KCTD5: variants seen among roughly 807,000 people sequenced by gnomAD.
KCTD5 encodes potassium channel tetramerization domain containing 5, also known as BTB/POZ domain-containing protein KCTD5.
A neutral mutation model predicts 27.9 loss-of-function variants in KCTD5; 12 were observed. The ratio of observed to expected loss-of-function variants is 0.43; its 90% CI spans 0.28 to 0.70. The LOEUF is 0.70. Among genes scored for constraint, KCTD5 ranks in the 30% least tolerant of loss-of-function variants. KCTD5 has a pLI of 0.19. For synonymous variants in KCTD5, 147 were observed against 121.4 expected, an observed-to-expected ratio of 1.21 and a Z score of -1.39; for missense variants, 226 against 274.8, an observed-to-expected ratio of 0.82 and a Z score of 1.26.
intron 5 of KCTD5, 125 bp downstream of exon 5, chr16:2,702,603 G>A: frequency 7.9e-7 from 1 of 1,272,888 alleles, no homozygotes; most frequent in South Asian, 1.5e-5. Context: ...TGGCCTTGCT[G>A]ACTTCTTGGA....
Position 2,707,466 on chromosome 16 carries a change from G to A in KCTD5, c.*139G>A. On this transcript the variant is annotated 3_prime_UTR_variant, in exon 6 of 6. Coordinates refer to ENST00000301738, the MANE Select transcript of KCTD5 (RefSeq NM_018992.4). ...GAGATCTGGGTGTGAATCCTTTTTT[G>A]CCTCTGAGGTGGGTGGTGAGAGACG... 1 of 923,204 alleles carries A rather than the reference G, an allele frequency of 1.1e-6. No homozygotes were observed. Among genetic ancestry groups the A allele is most frequent in the Non-Finnish European group, 1.8e-6 (1 of 568,006 alleles). 57.2% of individuals were successfully genotyped at this position (923,204 alleles called of 1,614,324 possible). A position where few individuals can be genotyped will look rare whatever the true frequency, so the allele number is the denominator to read the frequency against.
In KCTD5 at chr16:2,707,315, C is replaced by A; in HGVS notation, c.693C>A (p.Gly231=). 3.1e-6 allele frequency: 5 copies of A among 1,613,992 alleles called. No individual in the cohort carries two copies. Among genetic ancestry groups the A allele is most frequent in the Non-Finnish European group, 4.2e-6 (5 of 1,179,866 alleles). The change falls in exon 6 of 6, where the codon GGC becomes GGA. Residue 231 remains glycine, a synonymous_variant. Transcript: ENST00000301738. ...SEKAKILQER[G]SRM ...TTTTTCAGATTTTGCAAGAACGAGG[C>A]TCAAGGATGTGAGGGACACAGTATT... is the stretch of plus-strand genomic sequence containing the variant.
intron 1 of KCTD5, among the ~76,000 whole-genome samples, chr16:2,693,260 G>C (rs916195275): frequency 6.6e-6 from 1 of 152,184 alleles, no homozygotes; most frequent in Non-Finnish European, 1.5e-5. Context: ...GGGTCTGTTC[G>C]CCTCCTCCCT....
At chr16:2,703,203 G>A (rs555269238) in intron 5 of KCTD5, among the ~76,000 whole-genome samples, 1 of 152,292 alleles carries the variant, frequency 6.6e-6, no homozygotes, top group South Asian at 2.1e-4. Context: ...CTCTAAGCAC[G>A]TTCTTAAGGT....
chr16:2,687,662 G>T (rs13331679), intron 1 of KCTD5, among the ~76,000 whole-genome samples: 8,002 of 152,244 alleles, frequency 0.053, 661 homozygotes, highest in African/African-American at 0.18. Context: ...GCCTGGTCTC[G>T]CCCCGGCCCT....
chr16:2,703,823 G>A (rs1319829616), intron 5 of KCTD5, among the ~76,000 whole-genome samples: 3 of 152,122 alleles, frequency 2.0e-5, no homozygotes, highest in East Asian at 1.9e-4. Context: ...TGGAAGCTGG[G>A]GTTCCACCGC....
chr16:2,682,984 A>ATC, intron 1 of KCTD5, 184 bp downstream of exon 1: 5 of 657,400 alleles, frequency 7.6e-6, no homozygotes, highest in Non-Finnish European at 9.4e-6. Flanking sequence ...CTGGGAGGGG[A>ATC]GGGTGAGGAT....
chr16:2,687,898 C>T (rs1190075499), intron 1 of KCTD5, among the ~76,000 whole-genome samples: 2 of 152,102 alleles, frequency 1.3e-5, no homozygotes, highest in Admixed American at 6.5e-5. Context: ...GGCGTCAACT[C>T]GGCAGTTCTC....
chr16:2,705,137 TGAC>T (rs1454652633), intron 5 of KCTD5, among the ~76,000 whole-genome samples: 1 of 152,072 alleles, frequency 6.6e-6, no homozygotes, highest in Non-Finnish European at 1.5e-5. Flanking sequence ...GCCGCCAGAG[TGAC>T]GACGAGGACC....
chr16:2,696,896 G>A (rs1186107841), intron 2 of KCTD5, among the ~76,000 whole-genome samples: 4 of 152,256 alleles, frequency 2.6e-5, no homozygotes, highest in Non-Finnish European at 4.4e-5. Context: ...CTCTCTGGTC[G>A]CTTGGGCAGC....
intron 1 of KCTD5, chr16:2,684,657 A>G (rs1247673230): frequency 6.6e-6 from 1 of 151,978 alleles, no homozygotes; most frequent in African/African-American, 2.4e-5. Context: ...CCCAGCTACT[A>G]GGCAGTCTGA....
intron 1 of KCTD5, among the ~76,000 whole-genome samples, chr16:2,688,209 T>TTAAATAAA: frequency 7.1e-6 from 1 of 141,490 alleles, no homozygotes; most frequent in South Asian, 2.2e-4. Context: ...GTTTTTATTA[T>TTAAATAAA]TAAATAAATA....
intron 1 of KCTD5, among the ~76,000 whole-genome samples, chr16:2,688,228 A>ATATATATATATATAT (rs2067549785): frequency 2.4e-5 from 2 of 84,626 alleles, no homozygotes; most frequent in African/African-American, 8.3e-5. Flanking sequence ...TAAATAAATA[A>ATATATATATATATAT]ATATATATAT....
chr16:2,698,081 C>T, intron 3 of KCTD5, 84 bp downstream of exon 3: 1 of 963,842 alleles, frequency 1.0e-6, no homozygotes, highest in Non-Finnish European at 1.6e-6. Context: ...GGCTGCCTCC[C>T]AAATAAGTCC....
At chr16:2,702,235 G>A (rs1376333372) in intron 4 of KCTD5, 118 bp from the exon 5 acceptor site, 19 of 1,289,476 alleles carry the variant, frequency 1.5e-5, no homozygotes, top group South Asian at 8.0e-5. Context: ...TTCCTGAAGC[G>A]TCGGCAGTCT....
intron 2 of KCTD5, chr16:2,697,369 C>A (rs529512863): frequency 6.5e-6 from 1 of 154,174 alleles, no homozygotes; most frequent in Non-Finnish European, 1.4e-5. Context: ...CTGGAAGTGA[C>A]CCTCTCAGCC....
chr16:2,699,396 A>G (rs539775370), intron 3 of KCTD5: 23 of 359,420 alleles, frequency 6.4e-5, no homozygotes, highest in African/African-American at 4.5e-4. Context: ...CGCAAGTTCA[A>G]GAGCCTTTTT....
intron 3 of KCTD5, among the ~76,000 whole-genome samples, 195 bp downstream of exon 3, chr16:2,698,192 A>G (rs1312546930): frequency 6.6e-6 from 1 of 152,172 alleles, no homozygotes; most frequent in South Asian, 2.1e-4. Flanking sequence ...CCCTTGAAGG[A>G]TCCATTCATC....
intron 1 of KCTD5, among the ~76,000 whole-genome samples, chr16:2,686,832 G>A (rs2067541251): frequency 2.0e-5 from 3 of 151,310 alleles, no homozygotes; most frequent in Admixed American, 1.3e-4. Flanking sequence ...GTGGGCTAGA[G>A]TACCGTCTTT....
Sources: gnomAD v4.1 joint callset for allele counts (sites outside exome capture counted in the v4.1 genomes callset) on GRCh38, gnomAD v4.1.1 for gene constraint, MANE v1.5 for transcripts, NCBI Gene and HGNC (gene_info 2026-07-23, HGNC 2026-07-21) for gene names.